The following PROCR variants were observed in gnomAD, a reference collection of about 807,000 sequenced individuals.
The protein encoded by PROCR is protein C receptor.
A neutral mutation model predicts 24.2 loss-of-function variants in PROCR; 22 were observed. The observed-to-expected ratio is 0.91, with a 90% CI of 0.65 to 1.30. The LOEUF (loss-of-function observed/expected upper bound fraction) is 1.30. PROCR is among the 50% of genes most tolerant of loss of function. The pLI, the probability that PROCR is intolerant of heterozygous loss-of-function variation, is 0.00. For synonymous variants in PROCR, 137 were observed against 139.2 expected, an observed-to-expected ratio of 0.98 and a Z score of 0.11; for missense variants, 288 against 307.7, an observed-to-expected ratio of 0.94 and a Z score of 0.48.
At chr20:35,179,027 C>T (rs1444134121), downstream of PROCR, among the ~76,000 whole-genome samples, 2 of 148,220 alleles carry the variant, frequency 1.3e-5, no homozygotes, top group Non-Finnish European at 1.5e-5. Flanking sequence ...GTCAGGAGAT[C>T]GAGACCATCC....
intron 1 of PROCR, among the ~76,000 whole-genome samples, chr20:35,200,461 G>T (rs2060314344): frequency 6.6e-6 from 1 of 152,082 alleles, no homozygotes; most frequent in South Asian, 2.1e-4. Flanking sequence ...CCAGAGAAAA[G>T]ACTATGACTC....
intron 1 of PROCR, among the ~76,000 whole-genome samples, chr20:35,183,070 T>G (rs2086092907): frequency 6.6e-6 from 1 of 152,142 alleles, no homozygotes; most frequent in Non-Finnish European, 1.5e-5. Context: ...TGCTATATAG[T>G]TTTTGGAATT....
chr20:35,205,343 A>G (rs1028878519), intron 1 of PROCR, among the ~76,000 whole-genome samples: 6 of 151,552 alleles, frequency 4.0e-5, no homozygotes, highest in African/African-American at 1.2e-4. Context: ...AAAAAAACAC[A>G]TGATAATCCT....
Position 35,210,807 on chromosome 20 carries a change from G to A in PROCR, c.95-5086G>A, listed in dbSNP as rs1252126817. On this transcript the variant is annotated intron_variant, in intron 1 of 1. Transcript: ENST00000634509. ...GGCTCACTGCAACCTCCACCTCCAGGGTTCAAGCGATTCTCCTGCCTCAGC... is the reference window on the plus strand; with the variant it reads ...GGCTCACTGCAACCTCCACCTCCAGAGTTCAAGCGATTCTCCTGCCTCAGC... Among the ~76,000 whole-genome samples the A allele has an allele frequency of 3.3e-5, 5 of 151,358 alleles. No individual in the cohort carries two copies. The South Asian group carries it at 6.3e-4, about 19-fold the overall frequency.
intron 1 of PROCR, among the ~76,000 whole-genome samples, chr20:35,183,064 A>G (rs1231858350): frequency 6.6e-6 from 1 of 151,798 alleles, no homozygotes; most frequent in African/African-American, 2.4e-5. Context: ...ACATATTGCT[A>G]TATAGTTTTT....
At chr20:35,171,571 G>A (rs2085950646), upstream of PROCR, among the ~76,000 whole-genome samples, 1 of 152,058 alleles carries the variant, frequency 6.6e-6, no homozygotes, top group Non-Finnish European at 1.5e-5. Flanking sequence ...GACTACTTCT[G>A]AGACCAAGAT....
chr20:35,195,820 CAA>C (rs58205912), intron 1 of PROCR, among the ~76,000 whole-genome samples: 1,310 of 77,564 alleles, frequency 0.017, 12 homozygotes, highest in African/African-American at 0.049. Context: ...GAGTCTGTCT[CAA>C]AAAAAAAAAA....
chr20:35,215,762 G>A, intron 1 of PROCR: 1 of 540,700 alleles, frequency 1.8e-6, no homozygotes, highest in Non-Finnish European at 2.4e-6. Flanking sequence ...GTGATTTGAT[G>A]TAGGTAAATT....
chr20:35,192,785 G>C (rs2086184915), intron 1 of PROCR, among the ~76,000 whole-genome samples: 1 of 152,088 alleles, frequency 6.6e-6, no homozygotes, highest in African/African-American at 2.4e-5. Context: ...AAGGGAGCTG[G>C]AACTTAAAGT....
At chr20:35,190,661 T>C (rs2086166127) in intron 1 of PROCR, among the ~76,000 whole-genome samples, 1 of 152,180 alleles carries the variant, frequency 6.6e-6, no homozygotes, top group East Asian at 1.9e-4. Flanking sequence ...GATTAATGAA[T>C]GAGAGGAAGT....
intron 1 of PROCR, chr20:35,174,293 C>G (rs1026301766): frequency 1.2e-5 from 3 of 257,550 alleles, no homozygotes; most frequent in Non-Finnish European, 2.3e-5. Context: ...GTTACTACCC[C>G]AGTCTAGATG....
intron 1 of PROCR, among the ~76,000 whole-genome samples, chr20:35,186,709 G>C (rs2086130483): frequency 6.9e-6 from 1 of 144,278 alleles, no homozygotes; most frequent in Non-Finnish European, 1.5e-5. Context: ...AGCAATTTGG[G>C]AGGCCAAGGC....
In PROCR at chr20:35,174,872, C is replaced by T; in HGVS notation, c.241C>T (p.Arg81Cys). The T allele has an allele frequency of 1.9e-6, 3 of 1,613,228 alleles. No homozygotes were observed. Among genetic ancestry groups the T allele is most frequent in the Non-Finnish European group, 1.7e-6 (2 of 1,179,694 alleles). Residue 81 changes from arginine (R) to cysteine (C), a missense_variant, in exon 2 of 4, where the codon CGC becomes TGC. By Grantham distance (180) the Arg-to-Cys change is radical (BLOSUM62 -3). Coordinates refer to ENST00000216968, the MANE Select transcript of PROCR (RefSeq NM_006404.5). Reference protein sequence around the residue: ...QPLQEPESWARTQSGLQSYLL... With the variant: ...QPLQEPESWACTQSGLQSYLL... ...CTTGCAGGAGCCCGAGAGCTGGGCG[C>T]GCACGCAGAGTGGCCTGCAGTCCTA...
chr20:35,177,378 CT>C, downstream of PROCR: 2 of 981,512 alleles, frequency 2.0e-6, no homozygotes, highest in South Asian at 9.4e-5. Flanking sequence ...ATCTCCTCCA[CT>C]TTGCAAAATT....
At chr20:35,177,851 C>T (rs1009403031), downstream of PROCR, among the ~76,000 whole-genome samples, 3 of 152,140 alleles carry the variant, frequency 2.0e-5, no homozygotes, top group Non-Finnish European at 4.4e-5. Flanking sequence ...CGGACTAGAA[C>T]TCTCTTTTTG....
chr20:35,199,976 G>T lies in PROCR; in HGVS notation c.95-15917G>T, dbSNP rs563391877. On this transcript the variant is annotated intron_variant, in intron 1 of 1. Coordinates refer to the PROCR transcript ENST00000634509. ...TGACTTTGAGAGGTTCAAGTCTTCA[G>T]TGGAGGAAGGAACTGCTGATGTAGT... 3.9e-5 allele frequency among the ~76,000 whole-genome samples: 6 copies of T among 152,300 alleles called. No individual in the cohort carries two copies. The South Asian group carries it at 1.2e-3, about 32-fold the overall frequency.
chr20:35,193,427 G>A (rs142034393), intron 1 of PROCR, among the ~76,000 whole-genome samples: 39 of 152,294 alleles, frequency 2.6e-4, no homozygotes, highest in African/African-American at 9.1e-4. Flanking sequence ...GCCTGCCTCA[G>A]CCTCCCAGAG....
chr20:35,180,722 G>C (rs1487223109), downstream of PROCR, among the ~76,000 whole-genome samples: 2 of 152,104 alleles, frequency 1.3e-5, no homozygotes, highest in Non-Finnish European at 2.9e-5. Flanking sequence ...TCTCAATCTT[G>C]TCTGGACCAT....
chr20:35,177,651 T>C (rs182373604), downstream of PROCR, among the ~76,000 whole-genome samples: 8 of 152,046 alleles, frequency 5.3e-5, no homozygotes, highest in Admixed American at 2.0e-4. Context: ...TTTCACCACG[T>C]TGGCCATCCT....
Sources: allele counts gnomAD v4.1 joint callset (sites outside exome capture counted in the v4.1 genomes callset), GRCh38; gene constraint gnomAD v4.1.1; transcripts MANE v1.5; gene names NCBI Gene and HGNC (gene_info 2026-07-23, HGNC 2026-07-21).